Variants in AKR1C8 observed in about 807,000 individuals in gnomAD.
The protein encoded by AKR1C8 is aldo-keto reductase family 1 member C-like protein 1.
chr10:5,175,695 A>T, the AKR1C8 span, among the ~76,000 whole-genome samples: 1 of 151,994 alleles, frequency 6.6e-6, no homozygotes, highest in Non-Finnish European at 1.5e-5. Flanking sequence ...GTATCTCATC[A>T]TGGTTTTGAT....
the AKR1C8 span, among the ~76,000 whole-genome samples, chr10:5,158,892 C>T: frequency 2.6e-5 from 4 of 152,174 alleles, no homozygotes; most frequent in African/African-American, 9.7e-5. Flanking sequence ...CACACTGATA[C>T]AGTAATTTTC....
At chr10:5,162,832 C>A in the AKR1C8 span, 2 of 525,808 alleles carry the variant, frequency 3.8e-6, no homozygotes, top group Non-Finnish European at 7.9e-6. Flanking sequence ...CCTCTGGCTA[C>A]TGTACACACA....
the AKR1C8 span, among the ~76,000 whole-genome samples, chr10:5,144,290 T>C: frequency 6.6e-6 from 1 of 152,150 alleles, no homozygotes; most frequent in Non-Finnish European, 1.5e-5. Context: ...TGTAGTATAG[T>C]TTGAAGTCAG....
chr10:5,178,377 G>T, the AKR1C8 span, among the ~76,000 whole-genome samples: 1 of 152,176 alleles, frequency 6.6e-6, no homozygotes, highest in African/African-American at 2.4e-5. Flanking sequence ...TTTTACATTT[G>T]CTGAGGAGAG....
the AKR1C8 span, among the ~76,000 whole-genome samples, chr10:5,177,440 C>CT: frequency 6.6e-6 from 1 of 152,038 alleles, no homozygotes; most frequent in Non-Finnish European, 1.5e-5. Flanking sequence ...CTAAAATTCT[C>CT]TTTTTTTGTT....
chr10:5,123,078 T>A, the AKR1C8 span, among the ~76,000 whole-genome samples: 1,134 of 152,304 alleles, frequency 7.4e-3, 14 homozygotes, highest in African/African-American at 0.025. Context: ...CTGGTTTTGG[T>A]TCCATCCTAA....
At chr10:5,172,068 C>T in the AKR1C8 span, among the ~76,000 whole-genome samples, 24 of 152,092 alleles carry the variant, frequency 1.6e-4, no homozygotes, top group South Asian at 4.4e-3. Context: ...CAGACAGAAG[C>T]GCAGATAAGG....
chr10:5,133,263 A>C, the AKR1C8 span, among the ~76,000 whole-genome samples: 5 of 151,976 alleles, frequency 3.3e-5, no homozygotes, highest in East Asian at 5.8e-4. Flanking sequence ...ATGCCAGTTA[A>C]ATTTTTGTAT....
the AKR1C8 span, among the ~76,000 whole-genome samples, chr10:5,171,685 G>C: frequency 6.6e-6 from 1 of 151,958 alleles, no homozygotes; most frequent in African/African-American, 2.4e-5. Context: ...GAGCAGGTTA[G>C]TGCTTTAAGA....
At chr10:5,140,283 G>C in the AKR1C8 span, among the ~76,000 whole-genome samples, 24 of 151,868 alleles carry the variant, frequency 1.6e-4, no homozygotes, top group Non-Finnish European at 2.4e-4. Context: ...TTGACCCAGC[G>C]ATCCCATTAC....
the AKR1C8 span, among the ~76,000 whole-genome samples, chr10:5,128,107 A>G: frequency 6.6e-6 from 1 of 152,166 alleles, no homozygotes; most frequent in Non-Finnish European, 1.5e-5. Context: ...ACAAACTAGG[A>G]GGGATTGAGG....
the AKR1C8 span, among the ~76,000 whole-genome samples, chr10:5,129,473 G>A: frequency 4.7e-4 from 71 of 152,026 alleles, no homozygotes; most frequent in African/African-American, 1.6e-3. Context: ...AAAGATCAAT[G>A]AAAGATAAAG....
the AKR1C8 span, chr10:5,154,135 C>G: frequency 2.1e-6 from 1 of 469,654 alleles, no homozygotes; most frequent in East Asian, 7.0e-5. Flanking sequence ...TTCAATAGCT[C>G]ATGGTCAATA....
At chr10:5,165,411 T>C in the AKR1C8 span, among the ~76,000 whole-genome samples, 1 of 152,140 alleles carries the variant, frequency 6.6e-6, no homozygotes, top group East Asian at 1.9e-4. Flanking sequence ...TTTTTCTCCA[T>C]GGGGAGCCTT....
At chr10:5,171,654 C>T in the AKR1C8 span, among the ~76,000 whole-genome samples, 6 of 151,906 alleles carry the variant, frequency 3.9e-5, no homozygotes, top group African/African-American at 7.2e-5. Flanking sequence ...CTCTTTTTAA[C>T]CCTTTATAAT....
chr10:5,180,967 G>C, the AKR1C8 span, among the ~76,000 whole-genome samples: 1 of 152,298 alleles, frequency 6.6e-6, no homozygotes, highest in African/African-American at 2.4e-5. Context: ...GCCCTGCTTT[G>C]GCTCATGCAC....
At chr10:5,161,966 C>T in the AKR1C8 span, 1 of 528,808 alleles carries the variant, frequency 1.9e-6, no homozygotes, top group Admixed American at 2.0e-5. Flanking sequence ...AAGAAAGTAG[C>T]CCAAAGCTGC....
chr10:5,167,869 A>G, the AKR1C8 span, among the ~76,000 whole-genome samples: 4 of 152,098 alleles, frequency 2.6e-5, no homozygotes, highest in African/African-American at 9.7e-5. Flanking sequence ...ACCTTCTTTC[A>G]GTTACATTTA....
chr10:5,118,240 G>T, the AKR1C8 span, among the ~76,000 whole-genome samples: 2 of 152,134 alleles, frequency 1.3e-5, no homozygotes, highest in African/African-American at 2.4e-5. Context: ...AAAAGGCAGG[G>T]GTAGGGACAG....
Sources: gnomAD v4.1 joint callset for allele counts (sites outside exome capture counted in the v4.1 genomes callset) on GRCh38, gnomAD v4.1.1 for gene constraint, MANE v1.5 for transcripts, NCBI Gene and HGNC (gene_info 2026-07-23, HGNC 2026-07-21) for gene names.